ABCB4: variants seen among roughly 807,000 people sequenced by gnomAD.
ABCB4 encodes the protein ATP binding cassette subfamily B member 4.
In ABCB4, 76 loss-of-function variants were observed where a neutral mutation model predicts 145.7. The ratio of observed to expected loss-of-function variants is 0.52; its 90% CI spans 0.43 to 0.63. The LOEUF is 0.63. ABCB4 is among the 30% of genes least tolerant of loss of function. ABCB4 has a pLI of 0.00. For synonymous variants in ABCB4, 517 were observed against 566.8 expected (o/e 0.91, Z 1.25); for missense variants, 1,234 against 1,553.1 (o/e 0.79, Z 3.45).
Position 87,424,068 on chromosome 7 carries a change from A to C in ABCB4, c.2065-16T>G. On this transcript the variant is annotated splice_polypyrimidine_tract_variant and intron_variant, in intron 16 of 27. Transcript: ENST00000649586. ...CATTTGCTTCCTAGAACATATAAACATCAGGGCAAACTGGTGATGACACAA... is the reference window on the plus strand; with the variant it reads ...CATTTGCTTCCTAGAACATATAAACCTCAGGGCAAACTGGTGATGACACAA... 1 of 1,613,966 alleles carries C rather than the reference A, an allele frequency of 6.2e-7. No homozygotes were observed. The highest frequency in any genetic ancestry group is 8.5e-7 in the Non-Finnish European group (1 of 1,179,920).
At chr7:87,442,405 C>T (rs1217789905) in intron 12 of ABCB4, among the ~76,000 whole-genome samples, 1 of 152,046 alleles carries the variant, frequency 6.6e-6, no homozygotes, top group East Asian at 1.9e-4. Context: ...TTACTTTTTA[C>T]CTTATAATCT....
chr7:87,407,625 C>T (rs1486986301), intron 25 of ABCB4, among the ~76,000 whole-genome samples: 1 of 152,152 alleles, frequency 6.6e-6, no homozygotes, highest in East Asian at 1.9e-4. Context: ...GTTCGAGAGC[C>T]GAGAATTCAA....
chr7:87,418,757 C>T, intron 19 of ABCB4, 137 bp from the exon 20 acceptor site: 2 of 777,012 alleles, frequency 2.6e-6, no homozygotes, highest in Non-Finnish European at 2.2e-6. Context: ...TGGCCTTGCT[C>T]TGAGCACACA....
intron 6 of ABCB4, 165 bp from the exon 7 acceptor site, chr7:87,451,959 A>G: frequency 1.4e-6 from 1 of 690,418 alleles, no homozygotes; most frequent in South Asian, 1.6e-5. Context: ...AACACCGCAC[A>G]AAGGAAGAAA....
chr7:87,422,880 G>A (rs553192445), intron 17 of ABCB4, among the ~76,000 whole-genome samples: 1 of 152,280 alleles, frequency 6.6e-6, no homozygotes, highest in Admixed American at 6.5e-5. Context: ...GACAGAAACC[G>A]CTGTTTGAGG....
At chr7:87,405,970 T>C (rs1456156011) in intron 26 of ABCB4, 1 of 403,138 alleles carries the variant, frequency 2.5e-6, no homozygotes, top group Non-Finnish European at 4.6e-6. Context: ...TCCATAATTA[T>C]CTCAAAATAA....
intron 3 of ABCB4, among the ~76,000 whole-genome samples, chr7:87,467,142 A>G (rs1224085715): frequency 6.9e-6 from 1 of 145,110 alleles, no homozygotes; most frequent in Admixed American, 6.7e-5. Context: ...AGTGTGCTGT[A>G]TTCAGGAAAC....
the ABCB4 span, among the ~76,000 whole-genome samples, chr7:87,384,294 G>A: frequency 6.6e-6 from 1 of 152,140 alleles, no homozygotes; most frequent in Non-Finnish European, 1.5e-5. Context: ...CAATTTGGGA[G>A]GCCGAGGTGG....
intron 16 of ABCB4, among the ~76,000 whole-genome samples, chr7:87,425,310 C>A (rs1809731667): frequency 1.3e-5 from 2 of 152,108 alleles, no homozygotes; most frequent in Admixed American, 6.5e-5. Flanking sequence ...AAAGAGATAG[C>A]AAAATAACTC....
chr7:87,402,918 G>GA (rs1357779676), intron 27 of ABCB4, among the ~76,000 whole-genome samples: 2 of 152,176 alleles, frequency 1.3e-5, no homozygotes, highest in African/African-American at 4.8e-5. Context: ...AGAATCGCTT[G>GA]AACCCTGGAG....
chr7:87,397,316 A>T (rs906566199), downstream of ABCB4, among the ~76,000 whole-genome samples: 11 of 151,284 alleles, frequency 7.3e-5, no homozygotes, highest in South Asian at 2.3e-3. Flanking sequence ...ATGCCACTGC[A>T]CTCCAGTCTG....
intron 3 of ABCB4, among the ~76,000 whole-genome samples, chr7:87,468,925 C>T (rs981723643): frequency 2.3e-5 from 2 of 88,100 alleles, no homozygotes; most frequent in African/African-American, 7.4e-5. Flanking sequence ...AGCGCAACTC[C>T]GTCTCAAAAA....
At chr7:87,426,983 C>T in intron 15 of ABCB4, 63 bp from the exon 16 acceptor site, 1 of 797,244 alleles carries the variant, frequency 1.3e-6, no homozygotes, top group Non-Finnish European at 1.8e-6. Flanking sequence ...GTGTGTGTCT[C>T]CAAATGGATG....
intron 15 of ABCB4, among the ~76,000 whole-genome samples, chr7:87,430,692 T>C (rs1810157281): frequency 1.3e-5 from 2 of 152,024 alleles, no homozygotes; most frequent in South Asian, 4.2e-4. Flanking sequence ...GCCCAGCTAA[T>C]TTTTTGTATT....
chr7:87,472,950 A>G (rs1201707360), intron 2 of ABCB4, among the ~76,000 whole-genome samples: 2 of 152,228 alleles, frequency 1.3e-5, no homozygotes, highest in Non-Finnish European at 2.9e-5. Context: ...AGTGTCGCTA[A>G]GTCAATTAAG....
chr7:87,396,740 C>G (rs1346720564), downstream of ABCB4, among the ~76,000 whole-genome samples: 1 of 151,470 alleles, frequency 6.6e-6, no homozygotes, highest in Non-Finnish European at 1.5e-5. Flanking sequence ...ACAAAGTTAT[C>G]TACATTTCCA....
chr7:87,437,811 T>A (rs551026872), intron 14 of ABCB4, among the ~76,000 whole-genome samples: 1 of 152,322 alleles, frequency 6.6e-6, no homozygotes, highest in East Asian at 1.9e-4. Context: ...ACCATCACCC[T>A]AAGCTGCTAA....
chr7:87,429,147 G>C (rs1810033239), intron 15 of ABCB4, among the ~76,000 whole-genome samples: 2 of 152,274 alleles, frequency 1.3e-5, no homozygotes, highest in South Asian at 4.1e-4. Flanking sequence ...GCTCACAGTG[G>C]GTCTTTCCCT....
chr7:87,406,844 C>G (rs1379561535), intron 25 of ABCB4, among the ~76,000 whole-genome samples: 1 of 152,182 alleles, frequency 6.6e-6, no homozygotes, highest in African/African-American at 2.4e-5. Context: ...CCAGAATAAT[C>G]CTAACCCTTC....
Sources: allele counts gnomAD v4.1 joint callset (sites outside exome capture counted in the v4.1 genomes callset), GRCh38; gene constraint gnomAD v4.1.1; transcripts MANE v1.5; gene names NCBI Gene and HGNC (gene_info 2026-07-23, HGNC 2026-07-21).